Variants in RSRP1 observed in about 807,000 individuals in gnomAD.
RSRP1 encodes the protein arginine/serine-rich protein 1.
Under a neutral mutation model 33.0 loss-of-function variants are expected in RSRP1, and 37 were observed. The observed-to-expected ratio is 1.12, with a 90% CI of 0.86 to 1.48. The LOEUF (loss-of-function observed/expected upper bound fraction) is 1.48. Ranked by LOEUF, RSRP1 falls within the 40% of genes most tolerant of loss-of-function variation. The pLI, the probability that RSRP1 is intolerant of heterozygous loss-of-function variation, is 0.00. For synonymous variants in RSRP1, 167 were observed against 158.7 expected, an observed-to-expected ratio of 1.05 and a Z score of -0.40; for missense variants, 402 against 385.3, an observed-to-expected ratio of 1.04 and a Z score of -0.36.
rs146556319 is a variant in RSRP1 at position 25,313,823 on chromosome 1, G to T, written c.-67+24155C>A. ...TTTATAATATGAGTTTCCTATGCCTGAGAAAGCTGACTTGCAAGAAAATGA... is the reference window on the plus strand; with the variant it reads ...TTTATAATATGAGTTTCCTATGCCTTAGAAAGCTGACTTGCAAGAAAATGA... On this transcript the variant is annotated intron_variant, in intron 1 of 1. Transcript: ENST00000561867. 8.1e-4 allele frequency among the ~76,000 whole-genome samples: 108 copies of T among 132,948 alleles called. 16 individuals carry two copies. Among genetic ancestry groups the T allele is most frequent in the African/African-American group, 2.6e-3 (101 of 39,052 alleles). The allele number at this position is 132,948 out of a possible 152,430, so 87.2% of individuals were successfully genotyped here.
rs1283315749 is a variant in RSRP1 at position 25,333,929 on chromosome 1, G to A, written c.-67+4049C>T. Reference sequence around the variant, plus strand: ...CCTCCCACTGGGTCCCTCCCACAACGCATGGGAATTCAGGATGAGATTTGG... The same window carrying A: ...CCTCCCACTGGGTCCCTCCCACAACACATGGGAATTCAGGATGAGATTTGG... On this transcript the variant is annotated intron_variant, in intron 1 of 1. Transcript: ENST00000561867. Among the ~76,000 whole-genome samples the A allele has an allele frequency of 8.6e-5, 11 of 128,556 alleles. 2 individuals carry two copies. The highest frequency in any genetic ancestry group is 2.4e-4 in the African/African-American group (9 of 37,500). The allele number at this position is 128,556 out of a possible 152,430, so 84.3% of individuals were successfully genotyped here. A position where few individuals can be genotyped will look rare whatever the true frequency, so the allele number is the denominator to read the frequency against.
chr1:25,321,791 T>G, intron 1 of RSRP1: 11 of 632,002 alleles, frequency 1.7e-5, no homozygotes, highest in East Asian at 5.2e-5. Flanking sequence ...GGATTTCTGT[T>G]GAGATACTGT....
chr1:25,246,814 C>A lies in RSRP1; in HGVS notation c.150G>T (p.Ser50=). 6.2e-7 allele frequency: 1 copy of A among 1,613,460 alleles called. No homozygotes were observed. The highest frequency in any genetic ancestry group is 8.5e-7 in the Non-Finnish European group (1 of 1,179,766). Residue 50 remains serine, a synonymous_variant, in exon 2 of 5, where the codon TCG becomes TCT. Coordinates refer to ENST00000243189, the MANE Select transcript of RSRP1 (RefSeq NM_020317.5). ...TCCGACTCCTGGACGAAAACCGGCT[C>A]GAGACGCGGGAATGGGACCGAGAGC... ...SRSSRSHSRV[S]SRFSSRSRRS... is the part of the protein sequence containing the mutation.
chr1:25,316,668 G>A lies in RSRP1; in HGVS notation c.-67+21310C>T, dbSNP rs189618224. Among the ~76,000 whole-genome samples the A allele has an allele frequency of 1.7e-4, 21 of 126,274 alleles. 1 individual carries two copies. The East Asian group carries it at 3.4e-3, about 20-fold the overall frequency. 82.8% of individuals were successfully genotyped at this position (126,274 alleles called of 152,430 possible). The stretch of plus-strand genomic sequence containing the variant: ...GAGAGAAAACTGGAGGCTCTGAGAG[G>A]TTGAGGGACTTGCCCAGGGTCTTGC... On this transcript the variant is annotated intron_variant, in intron 1 of 1. Transcript: ENST00000561867.
At position 25,322,003 on chromosome 1, in the gene RSRP1, A is replaced by G. The variant is rs780605765; in HGVS notation, c.-67+15975T>C. On this transcript the variant is annotated intron_variant, in intron 1 of 1. Transcript: ENST00000561867. ...TATTAACGTGATAGATTTTGAGTGCATGAACTTAAAAACATACCTGAGTAT... is the reference window on the plus strand; with the variant it reads ...TATTAACGTGATAGATTTTGAGTGCGTGAACTTAAAAACATACCTGAGTAT... 9.8e-6 allele frequency: 10 copies of G among 1,016,354 alleles called. 1 individual carries two copies. The highest frequency in any genetic ancestry group is 1.5e-5 in the Non-Finnish European group (10 of 649,582). The allele number at this position is 1,016,354 out of a possible 1,614,324, so 63.0% of individuals were successfully genotyped here.
chr1:25,285,808 G>C (rs1641934820), intron 1 of RSRP1, among the ~76,000 whole-genome samples: 1 of 134,892 alleles, frequency 7.4e-6, no homozygotes, highest in South Asian at 2.2e-4. Flanking sequence ...CTGAATCCCT[G>C]TGCTGCCCAG....
upstream of RSRP1, among the ~76,000 whole-genome samples, chr1:25,252,229 AT>A (rs59951328): frequency 0.068 from 9,893 of 146,180 alleles, 1,028 homozygotes; most frequent in African/African-American, 0.22. Context: ...CAGCTGGCTA[AT>A]TTTTTTTTTT....
chr1:25,273,720 G>GACCTCCT (rs1269215114), intron 1 of RSRP1, among the ~76,000 whole-genome samples: 1 of 127,444 alleles, frequency 7.8e-6, no homozygotes, highest in Non-Finnish European at 1.8e-5. Flanking sequence ...ATATTGAAAT[G>GACCTCCT]AGTTTCAGGC....
chr1:25,257,110 C>A (rs1009296482), intron 1 of RSRP1, among the ~76,000 whole-genome samples: 2 of 152,200 alleles, frequency 1.3e-5, no homozygotes, highest in African/African-American at 4.8e-5. Context: ...GGAGCTGTGT[C>A]ATTTAATACA....
chr1:25,301,847 T>G (rs1643415625), intron 1 of RSRP1, among the ~76,000 whole-genome samples: 1 of 131,768 alleles, frequency 7.6e-6, no homozygotes, highest in African/African-American at 2.6e-5. Flanking sequence ...GAATGCTGGG[T>G]GGTCACAGTG....
chr1:25,243,492 G>T, intron 4 of RSRP1, 58 bp downstream of exon 4: 6 of 1,586,628 alleles, frequency 3.8e-6, no homozygotes, highest in Non-Finnish European at 5.2e-6. Context: ...AAAACACAAA[G>T]ATGCAAAAAT....
chr1:25,252,314 T>C (rs951018039), upstream of RSRP1, among the ~76,000 whole-genome samples: 5 of 152,166 alleles, frequency 3.3e-5, no homozygotes, highest in African/African-American at 7.2e-5. Flanking sequence ...TAAGTGCAGA[T>C]TGTAAACTAC....
Position 25,274,798 on chromosome 1 carries a change from G to C in RSRP1, c.-66-27769C>G. Among the ~76,000 whole-genome samples the C allele has an allele frequency of 1.5e-5, 2 of 133,804 alleles. 1 individual carries two copies. The highest frequency in any genetic ancestry group is 3.6e-5 in the Non-Finnish European group (2 of 56,222). 87.8% of individuals were successfully genotyped at this position (133,804 alleles called of 152,430 possible). A position where few individuals can be genotyped will look rare whatever the true frequency, so the allele number is the denominator to read the frequency against. ...AAGGCTGGAGAATCACCTGAGGTTA[G>C]GAGTTCGAGACCAGCCTGGCCAACA... On this transcript the variant is annotated intron_variant, in intron 1 of 1. Coordinates refer to the RSRP1 transcript ENST00000561867.
intron 1 of RSRP1, among the ~76,000 whole-genome samples, chr1:25,269,600 A>T (rs1232709475): frequency 7.5e-6 from 1 of 132,946 alleles, no homozygotes; most frequent in African/African-American, 2.6e-5. Context: ...TGACTTATCT[A>T]TCCTAGATCC....
In RSRP1 at chr1:25,316,111, G is replaced by T. The variant is rs149210228; in HGVS notation, c.-67+21867C>A. Among the ~76,000 whole-genome samples the T allele has an allele frequency of 1.2e-4, 16 of 131,374 alleles. 1 individual carries two copies. Among genetic ancestry groups the T allele is most frequent in the East Asian group, 3.9e-4 (2 of 5,118 alleles). 86.2% of individuals were successfully genotyped at this position (131,374 alleles called of 152,430 possible). Reference sequence around the variant, plus strand: ...AACGGGCTGGCAGTGCCCAGGTGCAGGCTGAACCCTGGGACAATCACATTC... The same window carrying T: ...AACGGGCTGGCAGTGCCCAGGTGCATGCTGAACCCTGGGACAATCACATTC... On this transcript the variant is annotated intron_variant, in intron 1 of 1. Transcript: ENST00000561867.
intron 1 of RSRP1, among the ~76,000 whole-genome samples, chr1:25,299,414 G>A (rs1292138040): frequency 7.7e-6 from 1 of 130,336 alleles, no homozygotes; most frequent in African/African-American, 2.6e-5. Flanking sequence ...CAAATAAAAA[G>A]CAGACAGACT....
In RSRP1 at chr1:25,268,521, A is replaced by G. The variant is rs1165278261; in HGVS notation, c.-66-21492T>C. 2.3e-5 allele frequency among the ~76,000 whole-genome samples: 3 copies of G among 131,856 alleles called. No individual in the cohort carries two copies. In the East Asian group the frequency reaches 5.9e-4, roughly 26 times the overall value. The allele number at this position is 131,856 out of a possible 152,430, so 86.5% of individuals were successfully genotyped here. On this transcript the variant is annotated intron_variant, in intron 1 of 1. Transcript: ENST00000561867. ...GTGACAGAGTACTCCGTCTAAAAAA[A>G]AAACCTAAATACACAAGTAAAAATA...
In RSRP1 at chr1:25,330,737, T is replaced by G. The variant is rs2765572; in HGVS notation, c.-67+7241A>C. Among the ~76,000 whole-genome samples the G allele has an allele frequency of 4.5e-4, 59 of 131,290 alleles. 6 individuals are homozygous for G. Among genetic ancestry groups the G allele is most frequent in the Middle Eastern group, 4.1e-3 (1 of 246 alleles). 86.1% of individuals were successfully genotyped at this position (131,290 alleles called of 152,430 possible). ...GAAATCCTTAAGCGTTGTATTAGTC[T>G]GCTTGGGCTACCATAACAGCAGCTT... On this transcript the variant is annotated intron_variant, in intron 1 of 1. Coordinates refer to the RSRP1 transcript ENST00000561867.
chr1:25,321,931 C>G (rs1644733015), intron 1 of RSRP1: 1 of 1,337,622 alleles, frequency 7.5e-7, no homozygotes, highest in South Asian at 1.2e-5. Flanking sequence ...CCTCATGAGG[C>G]TAAATATTTT....
Sources: allele counts gnomAD v4.1 joint callset (sites outside exome capture counted in the v4.1 genomes callset), GRCh38; gene constraint gnomAD v4.1.1; transcripts MANE v1.5; gene names NCBI Gene and HGNC (gene_info 2026-07-23, HGNC 2026-07-21).